UNC5C: variants seen among roughly 807,000 people sequenced by gnomAD.
UNC5C encodes the protein netrin receptor UNC5C.
Under a neutral mutation model 99.8 loss-of-function variants are expected in UNC5C, and 47 were observed. That is an observed-to-expected ratio of 0.47 (90% CI 0.37 to 0.60). The LOEUF is 0.60. Among genes scored for constraint, UNC5C ranks in the 20% least tolerant of loss-of-function variants. UNC5C has a pLI of 0.00. For missense variants in UNC5C, 1,062 were observed against 1,165.9 expected, an observed-to-expected ratio of 0.91 and a Z score of 1.30; for synonymous variants, 487 against 452.2, an observed-to-expected ratio of 1.08 and a Z score of -0.98.
At position 95,536,035 on chromosome 4, in the gene UNC5C, G is replaced by A. The variant is rs564708126; in HGVS notation, c.124+12699C>T. Among the ~76,000 whole-genome samples the A allele has an allele frequency of 7.3e-5, 11 of 149,956 alleles. No individual in the cohort carries two copies. In the East Asian group the frequency reaches 2.0e-3, roughly 27 times the overall value. ...AGTAAGGATCAATCCATACTCTAATGTGTTGGCAGTCCATATACATACATA... is the reference window on the plus strand; with the variant it reads ...AGTAAGGATCAATCCATACTCTAATATGTTGGCAGTCCATATACATACATA... On this transcript the variant is annotated intron_variant, in intron 1 of 15. Coordinates refer to ENST00000453304, the MANE Select transcript of UNC5C (RefSeq NM_003728.4).
Position 95,202,757 on chromosome 4 carries a change from G to C in UNC5C, c.2110C>G (p.Leu704Val). 1 of 1,614,214 alleles carries C rather than the reference G, an allele frequency of 6.2e-7. No individual in the cohort carries two copies. Among genetic ancestry groups the C allele is most frequent in the Non-Finnish European group, 8.5e-7 (1 of 1,180,042 alleles). ...SLEYSIRVYC[L>V]DDTQDALKEI... ...TTCAGGGCATCCTGGGTGTCATCCA[G>C]ACAGTAGACTCGGATGCTGTACTCC... The change falls in exon 12 of 16, where the codon CTG becomes GTG. Residue 704 changes from leucine (L) to valine (V), a missense_variant. Coordinates refer to ENST00000453304, the MANE Select transcript of UNC5C (RefSeq NM_003728.4).
At chr4:95,540,085 A>T (rs551523698) in intron 1 of UNC5C, among the ~76,000 whole-genome samples, 1 of 152,146 alleles carries the variant, frequency 6.6e-6, no homozygotes, top group East Asian at 1.9e-4. Context: ...ATTTTATAAA[A>T]CCCCTGGAGG....
intron 1 of UNC5C, among the ~76,000 whole-genome samples, chr4:95,462,901 A>C (rs1747647392): frequency 6.6e-6 from 1 of 152,176 alleles, no homozygotes; most frequent in South Asian, 2.1e-4. Flanking sequence ...GTTAGGGGTC[A>C]TGAGGGGGTG....
intron 8 of UNC5C, 41 bp downstream of exon 8, chr4:95,219,944 C>A: frequency 1.3e-6 from 2 of 1,585,508 alleles, no homozygotes; most frequent in Non-Finnish European, 1.7e-6. Context: ...AAACTGCTTA[C>A]ATGCATAAGT....
chr4:95,451,349 C>A (rs1041346985), intron 1 of UNC5C, among the ~76,000 whole-genome samples: 1 of 152,098 alleles, frequency 6.6e-6, no homozygotes, highest in African/African-American at 2.4e-5. Context: ...AAGGAAACTT[C>A]GACAGAAACA....
intron 4 of UNC5C, among the ~76,000 whole-genome samples, chr4:95,276,245 C>G (rs1740855653): frequency 6.6e-6 from 1 of 152,158 alleles, no homozygotes; most frequent in Admixed American, 6.5e-5. Context: ...TTAGCCTGCT[C>G]TTGAGCATGT....
intron 1 of UNC5C, among the ~76,000 whole-genome samples, chr4:95,468,780 G>A (rs977078665): frequency 2.0e-5 from 3 of 152,100 alleles, no homozygotes; most frequent in Non-Finnish European, 4.4e-5. Flanking sequence ...GTGTTTGGGG[G>A]CAAGTTGACC....
At chr4:95,476,322 G>C (rs577344456) in intron 1 of UNC5C, among the ~76,000 whole-genome samples, 1 of 152,058 alleles carries the variant, frequency 6.6e-6, no homozygotes, top group East Asian at 1.9e-4. Flanking sequence ...TTGGCCTCCA[G>C]TCTTTGTAAA....
intron 1 of UNC5C, among the ~76,000 whole-genome samples, chr4:95,381,372 G>A (rs540885454): frequency 2.0e-5 from 3 of 152,212 alleles, no homozygotes; most frequent in African/African-American, 7.2e-5. Flanking sequence ...AAAGGAAAAC[G>A]TGTGTATGTG....
chr4:95,483,792 A>G (rs1721245343), intron 1 of UNC5C, among the ~76,000 whole-genome samples: 1 of 151,748 alleles, frequency 6.6e-6, no homozygotes, highest in Non-Finnish European at 1.5e-5. Context: ...AAGTCCCTCT[A>G]CGACTAATTT....
chr4:95,441,938 G>T (rs1242923576), intron 1 of UNC5C, among the ~76,000 whole-genome samples: 4 of 152,140 alleles, frequency 2.6e-5, no homozygotes, highest in African/African-American at 9.7e-5. Flanking sequence ...ACGCTAAGCA[G>T]GTCAGTTGGT....
intron 2 of UNC5C, among the ~76,000 whole-genome samples, chr4:95,333,400 G>T (rs373707396): frequency 6.6e-6 from 1 of 152,136 alleles, no homozygotes; most frequent in South Asian, 2.1e-4. Flanking sequence ...CATAAAAAAT[G>T]ATGAGTTCAT....
intron 1 of UNC5C, among the ~76,000 whole-genome samples, chr4:95,533,395 T>C (rs1047859563): frequency 1.3e-5 from 2 of 151,392 alleles, no homozygotes; most frequent in Admixed American, 1.3e-4. Flanking sequence ...GAACTCCGTC[T>C]CAAAAAAAGA....
chr4:95,536,965 A>G (rs1276295392), intron 1 of UNC5C, among the ~76,000 whole-genome samples: 1 of 152,198 alleles, frequency 6.6e-6, no homozygotes, highest in African/African-American at 2.4e-5. Flanking sequence ...AGTTAACAAC[A>G]CCAAAGAGTA....
chr4:95,429,635 G>A (rs1746580146), intron 1 of UNC5C, among the ~76,000 whole-genome samples: 2 of 152,044 alleles, frequency 1.3e-5, no homozygotes, highest in African/African-American at 4.8e-5. Context: ...AATCAGATCG[G>A]GGCCAAAGAA....
At chr4:95,412,559 T>C (rs1465212049) in intron 1 of UNC5C, among the ~76,000 whole-genome samples, 1 of 152,176 alleles carries the variant, frequency 6.6e-6, no homozygotes, top group East Asian at 1.9e-4. Context: ...TAAATGAATA[T>C]ATTAAGAATA....
intron 10 of UNC5C, among the ~76,000 whole-genome samples, chr4:95,209,878 A>G (rs544027974): frequency 1.3e-5 from 2 of 152,110 alleles, no homozygotes; most frequent in African/African-American, 4.8e-5. Flanking sequence ...TCTGAGCAGA[A>G]CTCTTACCTT....
intron 12 of UNC5C, among the ~76,000 whole-genome samples, chr4:95,198,699 G>A (rs969035989): frequency 1.4e-4 from 21 of 152,110 alleles, no homozygotes; most frequent in Non-Finnish European, 2.9e-4. Flanking sequence ...GGGTCATGGG[G>A]TATGAGAAGT....
chr4:95,291,312 A>G (rs918067280), intron 3 of UNC5C, among the ~76,000 whole-genome samples: 4 of 152,214 alleles, frequency 2.6e-5, no homozygotes, highest in African/African-American at 9.6e-5. Context: ...GAGGAAACTG[A>G]CATACCAAAA....
Sources: allele counts gnomAD v4.1 joint callset (sites outside exome capture counted in the v4.1 genomes callset), GRCh38; gene constraint gnomAD v4.1.1; transcripts MANE v1.5; gene names NCBI Gene and HGNC (gene_info 2026-07-23, HGNC 2026-07-21).